Variants in DLG2 observed in about 807,000 individuals in gnomAD.
The protein encoded by DLG2 is disks large homolog 2.
DLG2 carries 45 observed loss-of-function variants against 132.5 expected under a neutral mutation model. That is an observed-to-expected ratio of 0.34 (90% confidence interval 0.27 to 0.44). The LOEUF (loss-of-function observed/expected upper bound fraction) is 0.44, where lower values mean the gene tolerates loss of function less well. DLG2 is among the 20% of genes least tolerant of loss of function. The probability of loss-of-function intolerance (pLI) is 1.00; values close to 1 mark genes in which losing one functional copy is unlikely to be tolerated. For synonymous variants in DLG2, 424 were observed against 419.6 expected (o/e 1.01, Z -0.13); for missense variants, 1,045 against 1,196.9 (o/e 0.87, Z 1.87).
chr11:85,559,981 T>C (rs2077148433), intron 3 of DLG2, among the ~76,000 whole-genome samples: 2 of 151,604 alleles, frequency 1.3e-5, no homozygotes, highest in Admixed American at 1.3e-4. Context: ...TATGAACTAG[T>C]AGTAACACAA....
At chr11:84,475,420 G>T (rs2099119047) in intron 7 of DLG2, among the ~76,000 whole-genome samples, 1 of 152,052 alleles carries the variant, frequency 6.6e-6, no homozygotes, top group Non-Finnish European at 1.5e-5. Flanking sequence ...TCTCTGGAAG[G>T]CTTTCTATTT....
At chr11:84,524,187 A>T (rs2099313182) in intron 7 of DLG2, among the ~76,000 whole-genome samples, 1 of 152,220 alleles carries the variant, frequency 6.6e-6, no homozygotes, top group African/African-American at 2.4e-5. Flanking sequence ...AGCTGTCCTG[A>T]GTCACAGGTG....
chr11:84,587,729 T>C (rs1438234184), intron 6 of DLG2, among the ~76,000 whole-genome samples: 2 of 152,214 alleles, frequency 1.3e-5, no homozygotes, highest in East Asian at 3.8e-4. Flanking sequence ...AAAATACTCC[T>C]AGAATTTAGC....
chr11:83,965,463 G>A lies in DLG2; in HGVS notation c.1062C>T (p.Asn354=). The A allele has an allele frequency of 6.2e-7, 1 of 1,605,594 alleles. No homozygotes were observed. Among genetic ancestry groups the A allele is most frequent in the Non-Finnish European group, 8.5e-7 (1 of 1,175,772 alleles). ...LQVGDRLLMV[N]NYSLEEVTHE... ...GTGTTACTTCTTCTAAACTGTAGTT[G>A]TTTACCTGAAAGGGTGAAAAAGATC... The change falls in exon 13 of 28, where the codon AAC becomes AAT. Residue 354 remains asparagine (N), a synonymous_variant. Coordinates refer to ENST00000376104, the MANE Select transcript of DLG2 (RefSeq NM_001142699.3).
At chr11:84,458,083 G>C (rs1307457994) in intron 7 of DLG2, among the ~76,000 whole-genome samples, 2 of 150,812 alleles carry the variant, frequency 1.3e-5, no homozygotes, top group Non-Finnish European at 3.0e-5. Context: ...TATAAATGTA[G>C]AGACTGGCAT....
chr11:84,477,071 T>A (rs763108265), intron 7 of DLG2, among the ~76,000 whole-genome samples: 3 of 152,126 alleles, frequency 2.0e-5, no homozygotes, highest in Non-Finnish European at 4.4e-5. Context: ...TGAAATATAG[T>A]GGACACTGAA....
At chr11:85,499,648 G>C (rs553487776) in intron 3 of DLG2, among the ~76,000 whole-genome samples, 10 of 152,062 alleles carry the variant, frequency 6.6e-5, no homozygotes, top group Non-Finnish European at 1.3e-4. Flanking sequence ...ACAAAAAAAA[G>C]ATAATTTTAG....
chr11:85,356,482 G>A (rs1191170308), intron 3 of DLG2, among the ~76,000 whole-genome samples: 2 of 152,096 alleles, frequency 1.3e-5, no homozygotes, highest in African/African-American at 2.4e-5. Flanking sequence ...GAATTATTAT[G>A]AGACAGAGAT....
At chr11:83,686,521 T>C (rs2079806728) in intron 18 of DLG2, among the ~76,000 whole-genome samples, 1 of 152,136 alleles carries the variant, frequency 6.6e-6, no homozygotes, top group Non-Finnish European at 1.5e-5. Context: ...TTGTCCTTGG[T>C]TGAATCTCCA....
At chr11:85,359,579 C>T (rs187022907) in intron 3 of DLG2, among the ~76,000 whole-genome samples, 1 of 152,250 alleles carries the variant, frequency 6.6e-6, no homozygotes, top group East Asian at 1.9e-4. Context: ...GGCTCTTGCC[C>T]TTAAGCACCT....
At chr11:84,322,929 A>T (rs1223925586) in intron 7 of DLG2, among the ~76,000 whole-genome samples, 4 of 152,180 alleles carry the variant, frequency 2.6e-5, no homozygotes, top group Non-Finnish European at 5.9e-5. Context: ...TTCAAAGAAT[A>T]TGAAGGCATG....
At chr11:85,502,657 G>A (rs1333701804) in intron 3 of DLG2, among the ~76,000 whole-genome samples, 1 of 152,008 alleles carries the variant, frequency 6.6e-6, no homozygotes, top group Admixed American at 6.6e-5. Context: ...TCGGCGGGTT[G>A]GGGGCAAGGG....
At chr11:85,497,517 CA>C (rs1425465367) in intron 3 of DLG2, among the ~76,000 whole-genome samples, 3 of 152,066 alleles carry the variant, frequency 2.0e-5, no homozygotes, top group African/African-American at 7.2e-5. Context: ...GGATATTATC[CA>C]GGAGAACTTC....
intron 7 of DLG2, among the ~76,000 whole-genome samples, chr11:84,281,186 A>T (rs1373656041): frequency 6.6e-6 from 1 of 152,188 alleles, no homozygotes; most frequent in African/African-American, 2.4e-5. Flanking sequence ...ACTTAGATGT[A>T]AAACCTAAAT....
At position 84,499,100 on chromosome 11, in the gene DLG2, T is replaced by C. The variant is rs149727083; in HGVS notation, c.519+35470A>G. ...ATGTTCTTTTGCAATAATTTTAACA[T>C]CTTCCAAACATAATTAAGTGGTTAA... On this transcript the variant is annotated intron_variant, in intron 7 of 27. Coordinates refer to ENST00000376104, the MANE Select transcript of DLG2 (RefSeq NM_001142699.3). 4.7e-3 allele frequency among the ~76,000 whole-genome samples: 714 copies of C among 152,344 alleles called. 7 individuals carry two copies. The highest frequency in any genetic ancestry group is 0.016 in the African/African-American group (672 of 41,578).
intron 6 of DLG2, among the ~76,000 whole-genome samples, chr11:84,798,728 A>C (rs2074998916): frequency 6.6e-6 from 1 of 152,192 alleles, no homozygotes; most frequent in African/African-American, 2.4e-5. Flanking sequence ...GGCCCAAAGC[A>C]TACTACCTGG....
chr11:83,771,373 G>A (rs1224011709), intron 18 of DLG2, among the ~76,000 whole-genome samples: 1 of 151,854 alleles, frequency 6.6e-6, no homozygotes, highest in Admixed American at 6.6e-5. Flanking sequence ...TTTCTTTTTT[G>A]TAGGAAATTC....
intron 6 of DLG2, among the ~76,000 whole-genome samples, chr11:84,714,610 T>TC (rs1565750202): frequency 8.2e-5 from 9 of 109,562 alleles, no homozygotes; most frequent in African/African-American, 3.1e-4. Context: ...TCTCTTTCTC[T>TC]TTCTCTTTCT....
chr11:84,649,638 A>C (rs1387400718), intron 6 of DLG2, among the ~76,000 whole-genome samples: 1 of 152,174 alleles, frequency 6.6e-6, no homozygotes, highest in East Asian at 1.9e-4. Flanking sequence ...GTTATGCAAA[A>C]ATGTATTTTC....
Sources: gnomAD v4.1 joint callset for allele counts (sites outside exome capture counted in the v4.1 genomes callset) on GRCh38, gnomAD v4.1.1 for gene constraint, MANE v1.5 for transcripts, NCBI Gene and HGNC (gene_info 2026-07-23, HGNC 2026-07-21) for gene names.